Variants in ANKRD13C observed in about 807,000 individuals in gnomAD.
ANKRD13C encodes the protein ankyrin repeat domain-containing protein 13C.
Under a neutral mutation model 65.5 loss-of-function variants are expected in ANKRD13C, and 16 were observed. The ratio of observed to expected loss-of-function variants is 0.24; its 90% CI spans 0.17 to 0.37. ANKRD13C has a LOEUF of 0.37. Among genes scored for constraint, ANKRD13C ranks in the 10% least tolerant of loss-of-function variants. The pLI is 1.00. For missense variants in ANKRD13C, 503 were observed against 655.9 expected (o/e 0.77, Z 2.55); for synonymous variants, 235 against 238.7 (o/e 0.98, Z 0.14).
intron 12 of ANKRD13C, among the ~76,000 whole-genome samples, chr1:70,270,019 G>A (rs988819008): frequency 1.3e-5 from 2 of 152,082 alleles, no homozygotes; most frequent in Non-Finnish European, 2.9e-5. Flanking sequence ...CTTCTTCCTT[G>A]GTTTCTGATA....
At chr1:70,270,766 C>A (rs1678845290) in intron 12 of ANKRD13C, 90 bp downstream of exon 12, 4 of 867,278 alleles carry the variant, frequency 4.6e-6, no homozygotes, top group Non-Finnish European at 7.2e-6. Flanking sequence ...GTTGGGGACC[C>A]CTGCTTTAAA....
At chr1:70,266,895 G>A (rs1332360955) in intron 12 of ANKRD13C, among the ~76,000 whole-genome samples, 1 of 152,158 alleles carries the variant, frequency 6.6e-6, no homozygotes, top group Non-Finnish European at 1.5e-5. Context: ...CACTTGAAAT[G>A]TATGTGTATT....
intron 9 of ANKRD13C, among the ~76,000 whole-genome samples, chr1:70,289,021 T>C (rs757884804): frequency 2.0e-5 from 3 of 152,238 alleles, no homozygotes; most frequent in Non-Finnish European, 4.4e-5. Flanking sequence ...TATCTACAGA[T>C]TCAACATTAT....
chr1:70,280,110 T>G (rs1679323562), intron 9 of ANKRD13C, among the ~76,000 whole-genome samples: 1 of 152,154 alleles, frequency 6.6e-6, no homozygotes, highest in Non-Finnish European at 1.5e-5. Flanking sequence ...GAAACAGAGT[T>G]TTTTAGTATC....
chr1:70,321,977 C>G (rs1446179945), intron 3 of ANKRD13C, among the ~76,000 whole-genome samples: 1 of 152,042 alleles, frequency 6.6e-6, no homozygotes, highest in African/African-American at 2.4e-5. Context: ...GTAACACAAG[C>G]CAAAAAATCA....
intron 1 of ANKRD13C, among the ~76,000 whole-genome samples, chr1:70,340,037 G>C (rs1038300254): frequency 4.0e-5 from 6 of 151,284 alleles, no homozygotes; most frequent in Non-Finnish European, 7.4e-5. Flanking sequence ...ATTTTCAGTA[G>C]AGATGTCTCA....
intron 2 of ANKRD13C, among the ~76,000 whole-genome samples, chr1:70,328,969 T>C (rs1158761492): frequency 7.9e-5 from 12 of 152,202 alleles, no homozygotes; most frequent in Admixed American, 7.9e-4. Flanking sequence ...GTAAGATATC[T>C]ACAAATTTCT....
At chr1:70,318,098 T>C (rs1405675750) in intron 3 of ANKRD13C, among the ~76,000 whole-genome samples, 1 of 152,126 alleles carries the variant, frequency 6.6e-6, no homozygotes, top group African/African-American at 2.4e-5. Context: ...TATTGAAAAA[T>C]ACCATAAACT....
intron 8 of ANKRD13C, 98 bp from the exon 9 acceptor site, chr1:70,292,647 T>C (rs1679909932): frequency 4.7e-6 from 4 of 847,888 alleles, no homozygotes; most frequent in African/African-American, 3.5e-5. Context: ...TAGGTGAAAA[T>C]AAATATTCCT....
chr1:70,320,737 T>C (rs1356776600), intron 3 of ANKRD13C, among the ~76,000 whole-genome samples: 1 of 152,096 alleles, frequency 6.6e-6, no homozygotes, highest in Non-Finnish European at 1.5e-5. Flanking sequence ...AAAAACAAAG[T>C]TTTGAAAACT....
intron 1 of ANKRD13C, among the ~76,000 whole-genome samples, chr1:70,351,925 T>C (rs1169176535): frequency 2.6e-5 from 4 of 152,156 alleles, no homozygotes; most frequent in Admixed American, 6.5e-5. Context: ...GATGAGCATG[T>C]ACACATTGCA....
intron 11 of ANKRD13C, among the ~76,000 whole-genome samples, chr1:70,271,199 G>A (rs981775946): frequency 1.3e-5 from 2 of 152,148 alleles, no homozygotes; most frequent in South Asian, 2.1e-4. Context: ...CTCAAAGCTA[G>A]TAACTAGATT....
intron 2 of ANKRD13C, among the ~76,000 whole-genome samples, chr1:70,326,231 C>CAAAAAAAAAAA (rs59618915): frequency 3.2e-5 from 1 of 31,068 alleles, no homozygotes; most frequent in Non-Finnish European, 6.1e-5. Context: ...AACTCTGTCT[C>CAAAAAAAAAAA]AAAAAAAAAA....
chr1:70,267,571 A>G (rs1678684301), intron 12 of ANKRD13C, among the ~76,000 whole-genome samples: 1 of 152,020 alleles, frequency 6.6e-6, no homozygotes, highest in Admixed American at 6.6e-5. Flanking sequence ...TTTACCAATC[A>G]CTATCTTTTA....
At chr1:70,285,450 C>G (rs776762942) in intron 9 of ANKRD13C, among the ~76,000 whole-genome samples, 6 of 152,028 alleles carry the variant, frequency 3.9e-5, no homozygotes, top group Non-Finnish European at 5.9e-5. Context: ...TCGCCTCAGC[C>G]TCACAAAGTG....
At chr1:70,294,325 C>CT (rs1679985309) in intron 8 of ANKRD13C, among the ~76,000 whole-genome samples, 1 of 152,144 alleles carries the variant, frequency 6.6e-6, no homozygotes. Flanking sequence ...CCAAGGAGGG[C>CT]TTTTTAGCTT....
intron 1 of ANKRD13C, among the ~76,000 whole-genome samples, chr1:70,350,552 G>A (rs1257185179): frequency 6.6e-6 from 1 of 152,132 alleles, no homozygotes; most frequent in African/African-American, 2.4e-5. Context: ...TAAGAGATCT[G>A]GGCTCCACAG....
chr1:70,302,320 G>A (rs548697541), intron 6 of ANKRD13C, among the ~76,000 whole-genome samples: 1 of 151,802 alleles, frequency 6.6e-6, no homozygotes, highest in South Asian at 2.1e-4. Flanking sequence ...GGGGGGGCGG[G>A]GGGCTGCCTG....
At chr1:70,322,421 C>A (rs1288090534) in intron 3 of ANKRD13C, among the ~76,000 whole-genome samples, 1 of 151,984 alleles carries the variant, frequency 6.6e-6, no homozygotes, top group Non-Finnish European at 1.5e-5. Context: ...TATATAATTA[C>A]ATAATAATGG....
Sources: allele counts gnomAD v4.1 joint callset (sites outside exome capture counted in the v4.1 genomes callset), GRCh38; gene constraint gnomAD v4.1.1; transcripts MANE v1.5; gene names NCBI Gene and HGNC (gene_info 2026-07-23, HGNC 2026-07-21).